CMTM4: variants seen among roughly 807,000 people sequenced by gnomAD.
CMTM4 encodes CKLF-like MARVEL transmembrane domain-containing protein 4.
A neutral mutation model predicts 19.0 loss-of-function variants in CMTM4; 8 were observed. That is an observed-to-expected ratio of 0.42 (90% confidence interval 0.25 to 0.76). The LOEUF is 0.76. Among genes scored for constraint, CMTM4 ranks in the 30% least tolerant of loss-of-function variants. The pLI is 0.27. For synonymous variants in CMTM4, 106 were observed against 121.1 expected, an observed-to-expected ratio of 0.88 and a Z score of 0.82; for missense variants, 228 against 290.2, an observed-to-expected ratio of 0.79 and a Z score of 1.56.
chr16:66,643,943 G>A (rs1288858180), intron 1 of CMTM4, among the ~76,000 whole-genome samples: 2 of 151,928 alleles, frequency 1.3e-5, no homozygotes, highest in African/African-American at 2.4e-5. Context: ...TAGTAGAGAC[G>A]GGGTTTCATC....
chr16:66,604,989 C>A, the CMTM4 span: 1 of 1,428,530 alleles, frequency 7.0e-7, no homozygotes. Flanking sequence ...CCCGCTAGGA[C>A]TGCGCGGCTC....
intron 1 of CMTM4, among the ~76,000 whole-genome samples, chr16:66,680,773 CAAAAAAAA>C (rs35127974): frequency 1.2e-4 from 4 of 32,286 alleles, no homozygotes; most frequent in African/African-American, 3.9e-4. Flanking sequence ...GACTCCGTCT[CAAAAAAAA>C]AAAAAAAAAA....
chr16:66,608,354 T>A, the CMTM4 span: 2 of 1,614,234 alleles, frequency 1.2e-6, no homozygotes, highest in Non-Finnish European at 1.7e-6. The surrounding 1 kb of genome is among the most constrained non-coding windows in gnomAD (Gnocchi z 5.1). Context: ...GTCCTCAGCA[T>A]CTGCCTTCCT....
chr16:66,640,026 CATAAA>C (rs2016070169), intron 1 of CMTM4, among the ~76,000 whole-genome samples: 1 of 151,712 alleles, frequency 6.6e-6, no homozygotes, highest in African/African-American at 2.4e-5. Context: ...AAAATTTTAA[CATAAA>C]ATAAAGTTTA....
At chr16:66,676,707 G>A (rs1218151465) in intron 1 of CMTM4, among the ~76,000 whole-genome samples, 1 of 152,160 alleles carries the variant, frequency 6.6e-6, no homozygotes, top group Non-Finnish European at 1.5e-5. Context: ...TTTGTGACTT[G>A]TTCCAAACTT....
chr16:66,678,693 C>T (rs1239485632), intron 1 of CMTM4, among the ~76,000 whole-genome samples: 2 of 152,208 alleles, frequency 1.3e-5, no homozygotes, highest in South Asian at 2.1e-4. Context: ...TTTCATGGAA[C>T]ATGTGTGTGC....
intron 1 of CMTM4, among the ~76,000 whole-genome samples, chr16:66,651,909 T>C (rs2016317902): frequency 6.6e-6 from 1 of 152,224 alleles, no homozygotes. Flanking sequence ...AAGGAGCTAA[T>C]TGCAAGTGTA....
Position 66,696,109 on chromosome 16 carries a change from T to G in CMTM4, c.186+231A>C, listed in dbSNP as rs2017229021. The stretch of plus-strand genomic sequence containing the variant: ...GTAGGCCCGAAGGCAGGTGCTCAGG[T>G]AGGAGGCGCACACCTGAGGCTGCCG... On this transcript the variant is annotated intron_variant, in intron 1 of 3. Coordinates refer to ENST00000394106, the MANE Select transcript of CMTM4 (RefSeq NM_181521.3). This position sits in a 1 kb window ranked among gnomAD's most constrained non-coding sequence, Gnocchi z 4.3. Among the ~76,000 whole-genome samples, 1 of 151,814 alleles carries G rather than the reference T, an allele frequency of 6.6e-6. No individual in the cohort carries two copies. The highest frequency in any genetic ancestry group is 2.4e-5 in the African/African-American group (1 of 41,324).
chr16:66,687,970 A>G (rs1035432633), intron 1 of CMTM4, among the ~76,000 whole-genome samples: 6 of 152,080 alleles, frequency 3.9e-5, no homozygotes, highest in Non-Finnish European at 5.9e-5. Context: ...TACAGGTGTA[A>G]GCCACCGCGC....
At chr16:66,612,948 C>G (rs926629891), downstream of CMTM4, 79 of 663,292 alleles carry the variant, frequency 1.2e-4, no homozygotes, top group Non-Finnish European at 1.4e-5. This position sits in a 1 kb window ranked among gnomAD's most constrained non-coding sequence, Gnocchi z 6.0. Flanking sequence ...CAAAGCAGAG[C>G]CTTGTCTGTA....
chr16:66,672,449 C>T (rs1047275573), intron 1 of CMTM4, among the ~76,000 whole-genome samples: 6 of 149,764 alleles, frequency 4.0e-5, no homozygotes, highest in African/African-American at 1.5e-4. Flanking sequence ...ATGACCAGAA[C>T]CGTAATTACT....
Position 66,617,135 on chromosome 16 carries a change from C to A in CMTM4, c.*4923G>T. 1.3e-6 allele frequency: 1 copy of A among 740,882 alleles called. No individual in the cohort carries two copies. Among genetic ancestry groups the A allele is most frequent in the Non-Finnish European group, 2.2e-6 (1 of 461,878 alleles). 45.9% of individuals were successfully genotyped at this position (740,882 alleles called of 1,614,324 possible). A position where few individuals can be genotyped will look rare whatever the true frequency, so the allele number is the denominator to read the frequency against. ...GGCTCCCTGGCCTTTGTGTATTATG[C>A]ATCCCAAAGAAAACACGCCACCCCA... On this transcript the variant is annotated 3_prime_UTR_variant, in exon 4 of 4. Coordinates refer to ENST00000394106, the MANE Select transcript of CMTM4 (RefSeq NM_181521.3).
At chr16:66,661,421 T>C (rs900513217) in intron 1 of CMTM4, among the ~76,000 whole-genome samples, 4 of 152,194 alleles carry the variant, frequency 2.6e-5, no homozygotes, top group Non-Finnish European at 1.5e-5. Context: ...GCTTGTCAGT[T>C]AAGGATGAAG....
chr16:66,611,454 GA>G, downstream of CMTM4, among the ~76,000 whole-genome samples: 2 of 152,020 alleles, frequency 1.3e-5, no homozygotes, highest in South Asian at 2.1e-4. Flanking sequence ...ATCTCGGGGG[GA>G]AAAAATTGAA....
chr16:66,645,649 A>AAT (rs2016180685), intron 1 of CMTM4, among the ~76,000 whole-genome samples: 1 of 151,776 alleles, frequency 6.6e-6, no homozygotes, highest in Non-Finnish European at 1.5e-5. Context: ...CCTATGAATA[A>AAT]ATGCACATGT....
chr16:66,638,578 G>A (rs888860383), intron 1 of CMTM4, among the ~76,000 whole-genome samples: 2 of 152,196 alleles, frequency 1.3e-5, no homozygotes, highest in African/African-American at 4.8e-5. Flanking sequence ...GAGATTTTAG[G>A]CTGGGTGTGG....
chr16:66,675,051 A>G (rs1390403770), intron 1 of CMTM4, among the ~76,000 whole-genome samples: 1 of 148,790 alleles, frequency 6.7e-6, no homozygotes, highest in Non-Finnish European at 1.5e-5. Flanking sequence ...CTGGTGCTAC[A>G]TATTCTTTTC....
At chr16:66,638,998 A>G (rs1357569110) in intron 1 of CMTM4, among the ~76,000 whole-genome samples, 2 of 152,128 alleles carry the variant, frequency 1.3e-5, no homozygotes, top group Non-Finnish European at 2.9e-5. Flanking sequence ...TTGTATACAC[A>G]TTTAGAAACA....
At chr16:66,624,574 C>G (rs1272945257) in intron 2 of CMTM4, among the ~76,000 whole-genome samples, 1 of 152,154 alleles carries the variant, frequency 6.6e-6, no homozygotes, top group Admixed American at 6.5e-5. Context: ...CGAGAACAGC[C>G]TGGTCAACAT....
Sources: gnomAD v4.1 joint callset for allele counts (sites outside exome capture counted in the v4.1 genomes callset) on GRCh38, gnomAD v4.1.1 for gene constraint, Gnocchi (gnomAD v3.1) non-coding constraint, MANE v1.5 for transcripts, NCBI Gene and HGNC (gene_info 2026-07-23, HGNC 2026-07-21) for gene names.